The following REV3L variants were observed in gnomAD, a reference collection of about 807,000 sequenced individuals.
REV3L encodes DNA polymerase zeta catalytic subunit.
REV3L carries 69 observed loss-of-function variants against 299.4 expected under a neutral mutation model. That is an observed-to-expected ratio of 0.23 (90% confidence interval 0.19 to 0.28). The LOEUF is 0.28. Ranked by LOEUF, REV3L falls within the 10% of genes least tolerant of loss-of-function variation. REV3L has a pLI of 1.00. For synonymous variants in REV3L, 1,238 were observed against 1,271.4 expected, an observed-to-expected ratio of 0.97 and a Z score of 0.56; for missense variants, 3,128 against 3,693.8, an observed-to-expected ratio of 0.85 and a Z score of 3.97.
Position 111,372,816 on chromosome 6 carries a change from TATC to T in REV3L, c.5536_5538del (p.Asp1846del), listed in dbSNP as rs1562203615. The T allele has an allele frequency of 6.2e-7, 1 of 1,613,816 alleles. No homozygotes were observed. Among genetic ancestry groups the T allele is most frequent in the Non-Finnish European group, 8.5e-7 (1 of 1,179,842 alleles). ...GAACTATCAGGAGTTGGTGTCAACA[TATC>T]ATTGTTTCTTGAAACATACAGTTCT... is the stretch of plus-strand genomic sequence containing the variant. On this transcript the variant is annotated inframe_deletion, in exon 13 of 32. Coordinates refer to ENST00000368802, the MANE Select transcript of REV3L (RefSeq NM_001372078.1).
chr6:111,376,345 T>C lies in REV3L; in HGVS notation c.2010A>G (p.Thr670=). The C allele has an allele frequency of 6.2e-7, 1 of 1,612,846 alleles. No homozygotes were observed. The highest frequency in any genetic ancestry group is 1.7e-4 in the Middle Eastern group (1 of 6,050). Residue 670 remains threonine (T), a synonymous_variant, in exon 13 of 32, where the codon ACA becomes ACG. Coordinates refer to ENST00000368802, the MANE Select transcript of REV3L (RefSeq NM_001372078.1). ...TATATTTTCTACTTGGTACTTGTCT[T>C]GTAACAGATGGAATATCTTCTTCAT... is the stretch of plus-strand genomic sequence containing the variant. ...FDYEEDIPSV[T]RQVPSRKYTN... is the part of the protein sequence containing the mutation.
At chr6:111,428,251 G>A (rs2128296253) in intron 1 of REV3L, among the ~76,000 whole-genome samples, 1 of 152,238 alleles carries the variant, frequency 6.6e-6, no homozygotes, top group South Asian at 2.1e-4. Flanking sequence ...AGTGACATGA[G>A]CTTTCTGATC....
intron 27 of REV3L, among the ~76,000 whole-genome samples, chr6:111,314,737 G>C (rs1773335722): frequency 6.6e-6 from 1 of 152,014 alleles, no homozygotes; most frequent in South Asian, 2.1e-4. Flanking sequence ...ATTAAGTTTG[G>C]GGTGATCTGT....
intron 1 of REV3L, among the ~76,000 whole-genome samples, chr6:111,448,825 C>A (rs1789167344): frequency 7.0e-6 from 1 of 142,000 alleles, no homozygotes; most frequent in African/African-American, 2.6e-5. Flanking sequence ...AAGATGAGGT[C>A]TTGGTATGTT....
chr6:111,362,399 A>G (rs1778786031), intron 16 of REV3L, among the ~76,000 whole-genome samples: 1 of 152,232 alleles, frequency 6.6e-6, no homozygotes, highest in Non-Finnish European at 1.5e-5. Flanking sequence ...TTGAGAAAAA[A>G]AACCACACTT....
intron 1 of REV3L, among the ~76,000 whole-genome samples, chr6:111,422,875 C>T (rs1270577139): frequency 6.6e-6 from 1 of 151,122 alleles, no homozygotes; most frequent in African/African-American, 2.4e-5. Flanking sequence ...TTTATTTATG[C>T]CATTTTATTT....
At chr6:111,339,474 A>C (rs1776263672) in intron 21 of REV3L, among the ~76,000 whole-genome samples, 1 of 152,130 alleles carries the variant, frequency 6.6e-6, no homozygotes, top group Non-Finnish European at 1.5e-5. Context: ...CCTCACTAAC[A>C]AAAATGGTAG....
At chr6:111,380,376 C>G (rs1174515743) in intron 10 of REV3L, among the ~76,000 whole-genome samples, 157 bp from the exon 11 acceptor site, 2 of 152,090 alleles carry the variant, frequency 1.3e-5, no homozygotes, top group East Asian at 3.9e-4. Flanking sequence ...TCTCCTGCCT[C>G]AGCCTCCCGA....
rs1169988709 is a variant in REV3L, at chr6:111,482,745, C to T, written c.139+5G>A. On this transcript the variant is annotated splice_donor_5th_base_variant and intron_variant, in intron 1 of 31. Transcript: ENST00000368802. The stretch of plus-strand genomic sequence containing the variant: ...GCTCCCGCCCCGCGCCCGGCGCCCG[C>T]TTACCTGCCGGGGTCGCTCCGAAGA... The T allele has an allele frequency of 2.1e-6, 3 of 1,396,546 alleles. No individual in the cohort carries two copies. Among genetic ancestry groups the T allele is most frequent in the Non-Finnish European group, 2.8e-6 (3 of 1,068,276 alleles). 86.5% of individuals were successfully genotyped at this position (1,396,546 alleles called of 1,614,324 possible). A position where few individuals can be genotyped will look rare whatever the true frequency, so the allele number is the denominator to read the frequency against.
intron 31 of REV3L, among the ~76,000 whole-genome samples, chr6:111,301,993 T>C (rs553813511): frequency 7.2e-5 from 11 of 152,188 alleles, no homozygotes; most frequent in Non-Finnish European, 1.5e-4. Flanking sequence ...TTAAGAGAAA[T>C]CAAATACGCT....
chr6:111,369,540 GCAAA>G (rs1779573766), intron 13 of REV3L, among the ~76,000 whole-genome samples: 2 of 151,906 alleles, frequency 1.3e-5, no homozygotes, highest in South Asian at 4.1e-4. Flanking sequence ...TGGCAAAATT[GCAAA>G]CAACCTTTCT....
chr6:111,414,202 T>C (rs1260051280), intron 2 of REV3L, among the ~76,000 whole-genome samples: 2 of 152,070 alleles, frequency 1.3e-5, no homozygotes, highest in African/African-American at 2.4e-5. Flanking sequence ...GTAATAATAA[T>C]AATGCCCTAC....
Position 111,310,029 on chromosome 6 carries a change from C to T in REV3L, c.8866G>A (p.Gly2956Arg). Residue 2956 changes from glycine (G) to arginine (R), a missense_variant, in exon 30 of 32, where the codon GGG (glycine) becomes AGG (arginine). This residue lies in a region of REV3L where 294 missense variants were observed against 377.0 expected (regional missense o/e 0.78). Coordinates refer to ENST00000368802, the MANE Select transcript of REV3L (RefSeq NM_001372078.1). Reference protein sequence around the residue: ...GERVPYVIIYGTPGVPLIQLV... With the variant: ...GERVPYVIIYRTPGVPLIQLV... ...TGGATAAGTGGTACTCCGGGGGTCC[C>T]ATAAATGATGACGTATGGCACTCGC... 6.2e-7 allele frequency: 1 copy of T among 1,612,560 alleles called. No individual in the cohort carries two copies.
In REV3L at chr6:111,472,278, C is replaced by G. The variant is rs1484596561; in HGVS notation, c.139+10472G>C. On this transcript the variant is annotated intron_variant, in intron 1 of 31. Coordinates refer to ENST00000368802, the MANE Select transcript of REV3L (RefSeq NM_001372078.1). ...TTTCATTTCACCATCTCAAACAAAA[C>G]CTAATTTAGTATATAAATTACTTTG... 3 of 306,522 alleles carry G rather than the reference C, an allele frequency of 9.8e-6. No homozygotes were observed. The East Asian group carries it at 3.8e-4, about 39-fold the overall frequency. The allele number at this position is 306,522 out of a possible 1,614,324, so 19.0% of individuals were successfully genotyped here. A position where few individuals can be genotyped will look rare whatever the true frequency, so the allele number is the denominator to read the frequency against.
At chr6:111,414,059 T>C (rs1213983901) in intron 2 of REV3L, among the ~76,000 whole-genome samples, 1 of 152,064 alleles carries the variant, frequency 6.6e-6, no homozygotes, top group Non-Finnish European at 1.5e-5. Context: ...GCTAGTGCAC[T>C]AGCATGCAGT....
At position 111,367,457 on chromosome 6, in the gene REV3L, C is replaced by T. The variant is rs1355988871; in HGVS notation, c.6331G>A (p.Asp2111Asn). The change falls in exon 14 of 32, where the codon GAT becomes AAT. Residue 2111 changes from aspartate (D) to asparagine (N), a missense_variant. Around this residue, in one of 9 missense-constraint regions of REV3L, gnomAD observed 2,409 missense variants for 2,611.8 expected, o/e 0.92. Transcript: ENST00000368802. Reference protein sequence around the residue: ...SDPEKDEDDDDNYYISYSSPD... With the variant: ...SDPEKDEDDDNNYYISYSSPD... Reference sequence around the variant, plus strand: ...GAGCTATAACTAATGTAATAGTTATCATCATCATCTTCATCTTTTTCGGGA... The same window carrying T: ...GAGCTATAACTAATGTAATAGTTATTATCATCATCTTCATCTTTTTCGGGA... The T allele has an allele frequency of 1.9e-6, 3 of 1,609,038 alleles. No individual in the cohort carries two copies. Among genetic ancestry groups the T allele is most frequent in the Non-Finnish European group, 1.7e-6 (2 of 1,177,296 alleles).
chr6:111,307,553 G>A lies in REV3L; in HGVS notation c.9060C>T (p.Ser3020=). 5 of 1,614,204 alleles carry A rather than the reference G, an allele frequency of 3.1e-6. No homozygotes were observed. Among genetic ancestry groups the A allele is most frequent in the Non-Finnish European group, 4.2e-6 (5 of 1,180,026 alleles). The stretch of plus-strand genomic sequence containing the variant: ...GCCCTTCAGGTTCACTTCGCGAGGA[G>A]CTGGTAGCTTTATGGATCTATAAAA... ...HELPRIHKAT[S]SSRSEPEGRK... is the part of the protein sequence containing the mutation. Residue 3020 remains serine (S), a synonymous_variant, in exon 31 of 32, where the codon AGC becomes AGT. Transcript: ENST00000368802.
intron 1 of REV3L, among the ~76,000 whole-genome samples, chr6:111,455,002 G>C (rs553712043): frequency 6.6e-6 from 1 of 152,196 alleles, no homozygotes; most frequent in East Asian, 1.9e-4. Context: ...TAGGCAATAA[G>C]CACTAAGGAC....
chr6:111,299,901 C>CATGA lies in REV3L; in HGVS notation c.*114_*115insTCAT. Reference sequence around the variant, plus strand: ...TTAGCATAGAAGTCTTCATAGTCTTCAGATAACAGACAGTGAACATCCTTG... The same window carrying CATGA: ...TTAGCATAGAAGTCTTCATAGTCTTCATGAAGATAACAGACAGTGAACATCCTTG... On this transcript the variant is annotated 3_prime_UTR_variant, in exon 32 of 32. Coordinates refer to ENST00000368802, the MANE Select transcript of REV3L (RefSeq NM_001372078.1). 2.0e-6 allele frequency: 2 copies of CATGA among 993,870 alleles called. No homozygotes were observed. Among genetic ancestry groups the CATGA allele is most frequent in the Non-Finnish European group, 2.9e-6 (2 of 686,098 alleles). The allele number at this position is 993,870 out of a possible 1,614,324, so 61.6% of individuals were successfully genotyped here.
Sources: gnomAD v4.1 joint callset for allele counts (sites outside exome capture counted in the v4.1 genomes callset) on GRCh38, gnomAD v4.1.1 for gene constraint, gnomAD v4.1.1 regional missense constraint, MANE v1.5 for transcripts, NCBI Gene and HGNC (gene_info 2026-07-23, HGNC 2026-07-21) for gene names.